The following EYS variants were observed in gnomAD, a reference collection of about 807,000 sequenced individuals.
The protein encoded by EYS is EGF-like photoreceptor maintenance factor.
EYS carries 250 observed loss-of-function variants against 282.1 expected under a neutral mutation model. The observed-to-expected ratio is 0.89, with a 90% CI of 0.80 to 0.98. EYS has a LOEUF of 0.98. EYS is among the 50% of genes least tolerant of loss of function. EYS has a pLI of 0.00. For missense variants in EYS, 4,016 were observed against 3,709.0 expected, an observed-to-expected ratio of 1.08 and a Z score of -2.15; for synonymous variants, 1,355 against 1,282.9, an observed-to-expected ratio of 1.06 and a Z score of -1.20.
intron 26 of EYS, among the ~76,000 whole-genome samples, chr6:64,573,774 C>T (rs921486562): frequency 1.6e-4 from 25 of 152,102 alleles, no homozygotes; most frequent in African/African-American, 6.0e-4. Flanking sequence ...AGTCAGGAAA[C>T]AACAGATGCT....
intron 11 of EYS, among the ~76,000 whole-genome samples, chr6:65,326,634 A>G (rs965703270): frequency 6.6e-6 from 1 of 151,648 alleles, no homozygotes; most frequent in African/African-American, 2.4e-5. Flanking sequence ...TAGAATTTAT[A>G]TATGAATTTA....
rs142330756 is a variant in EYS, at chr6:65,681,041, A to G, written c.-448+26094T>C. Among the ~76,000 whole-genome samples the G allele has an allele frequency of 3.0e-3, 427 of 140,396 alleles. 3 individuals are homozygous for G. The highest frequency in any genetic ancestry group is 9.9e-3 in the African/African-American group (372 of 37,626). 92.1% of individuals were successfully genotyped at this position (140,396 alleles called of 152,430 possible). A position where few individuals can be genotyped will look rare whatever the true frequency, so the allele number is the denominator to read the frequency against. Reference sequence around the variant, plus strand: ...ATCTGGCAACCAAATGTCATCATCTATGGGGGCCAACAGCTGTCAGCCAAC... The same window carrying G: ...ATCTGGCAACCAAATGTCATCATCTGTGGGGGCCAACAGCTGTCAGCCAAC... On this transcript the variant is annotated intron_variant, in intron 1 of 42. Transcript: ENST00000503581.
intron 12 of EYS, among the ~76,000 whole-genome samples, chr6:65,086,821 T>C (rs1407274743): frequency 6.6e-6 from 1 of 151,966 alleles, no homozygotes; most frequent in Non-Finnish European, 1.5e-5. Flanking sequence ...TTTGTAAATA[T>C]GTATATGTGG....
At chr6:64,947,199 G>C (rs1389121587) in intron 14 of EYS, among the ~76,000 whole-genome samples, 1 of 151,774 alleles carries the variant, frequency 6.6e-6, no homozygotes. Flanking sequence ...TAATTTAAAG[G>C]TTGAAGTTAG....
chr6:65,212,195 C>G (rs967082144), intron 12 of EYS, among the ~76,000 whole-genome samples: 2 of 151,880 alleles, frequency 1.3e-5, no homozygotes, highest in African/African-American at 4.8e-5. Flanking sequence ...GGAATTTTAT[C>G]AAGTATGTGG....
intron 12 of EYS, among the ~76,000 whole-genome samples, chr6:65,117,753 G>T (rs952106830): frequency 2.0e-5 from 3 of 152,154 alleles, no homozygotes; most frequent in Non-Finnish European, 4.4e-5. Context: ...ATGGGCAACT[G>T]AAAGAATTTC....
chr6:64,462,810 T>C (rs1775790263), intron 26 of EYS, among the ~76,000 whole-genome samples: 1 of 152,178 alleles, frequency 6.6e-6, no homozygotes, highest in African/African-American at 2.4e-5. Flanking sequence ...GGTAAATCTA[T>C]GTAAATTATT....
At chr6:64,912,227 A>G (rs1427477508) in intron 16 of EYS, among the ~76,000 whole-genome samples, 1 of 80,516 alleles carries the variant, frequency 1.2e-5, no homozygotes. Flanking sequence ...CAACTTCTGA[A>G]AGAAAAAAAA....
chr6:65,522,232 T>C (rs901688356), intron 2 of EYS, among the ~76,000 whole-genome samples: 1 of 152,202 alleles, frequency 6.6e-6, no homozygotes, highest in African/African-American at 2.4e-5. Context: ...TAAGATTCTA[T>C]ATATTCTGAT....
chr6:64,955,229 A>G (rs1451150309), intron 14 of EYS, among the ~76,000 whole-genome samples: 2 of 152,044 alleles, frequency 1.3e-5, no homozygotes, highest in Non-Finnish European at 2.9e-5. Flanking sequence ...TTCCATTTAC[A>G]ATAGCCAAAA....
chr6:64,132,852 G>A (rs951802051), intron 31 of EYS, among the ~76,000 whole-genome samples: 3 of 151,700 alleles, frequency 2.0e-5, no homozygotes, highest in Admixed American at 6.6e-5. Context: ...GTATACAATA[G>A]GCAGAAATAA....
At chr6:65,064,983 C>T (rs1773700725) in intron 12 of EYS, among the ~76,000 whole-genome samples, 1 of 152,084 alleles carries the variant, frequency 6.6e-6, no homozygotes, top group South Asian at 2.1e-4. Flanking sequence ...CTAGAGCTCA[C>T]TGCAAACACA....
chr6:64,392,424 T>A (rs1355341084), intron 28 of EYS, among the ~76,000 whole-genome samples: 2 of 150,376 alleles, frequency 1.3e-5, no homozygotes, highest in East Asian at 4.0e-4. Context: ...TATAACAAAC[T>A]ATCTCTCAGA....
At chr6:64,122,422 T>G (rs1773620809) in intron 31 of EYS, among the ~76,000 whole-genome samples, 2 of 152,120 alleles carry the variant, frequency 1.3e-5, no homozygotes, top group South Asian at 4.1e-4. Context: ...TAAAGATTTT[T>G]CTAAGGCTAC....
chr6:64,825,922 T>A lies in EYS; in HGVS notation c.2993-3100A>T, dbSNP rs114703139. On this transcript the variant is annotated intron_variant, in intron 19 of 42. Transcript: ENST00000503581. ...AAGTGCACATATATATATATATATA[T>A]AAATACATATGCTCCCTGATTATTA... Among the ~76,000 whole-genome samples, 714 of 149,720 alleles carry A rather than the reference T, an allele frequency of 4.8e-3. 7 individuals carry two copies. Among genetic ancestry groups the A allele is most frequent in the African/African-American group, 0.017 (681 of 40,714 alleles).
chr6:64,909,009 C>A (rs1292816106), intron 16 of EYS, among the ~76,000 whole-genome samples: 1 of 152,036 alleles, frequency 6.6e-6, no homozygotes, highest in Non-Finnish European at 1.5e-5. Context: ...CACCGGGTAC[C>A]CACCCTTATC....
intron 26 of EYS, among the ~76,000 whole-genome samples, chr6:64,443,905 TTAAAA>T (rs771427717): frequency 6.6e-6 from 1 of 152,160 alleles, no homozygotes; most frequent in Non-Finnish European, 1.5e-5. Context: ...AATAGAGTCA[TTAAAA>T]AAGATTTCTG....
intron 41 of EYS, among the ~76,000 whole-genome samples, chr6:63,753,764 T>G (rs139187015): frequency 3.0e-4 from 46 of 152,312 alleles, no homozygotes; most frequent in Middle Eastern, 6.8e-3. Flanking sequence ...CATATCATCT[T>G]TTCTTCTGCT....
At chr6:65,191,546 C>T (rs1371541550) in intron 12 of EYS, among the ~76,000 whole-genome samples, 2 of 151,752 alleles carry the variant, frequency 1.3e-5, no homozygotes, top group African/African-American at 2.4e-5. Flanking sequence ...ACTGTGAATG[C>T]CAATCACACA....
Sources: allele counts gnomAD v4.1 joint callset (sites outside exome capture counted in the v4.1 genomes callset), GRCh38; gene constraint gnomAD v4.1.1; transcripts MANE v1.5; gene names NCBI Gene and HGNC (gene_info 2026-07-23, HGNC 2026-07-21).